The following TAB1 variants were observed in gnomAD, a reference collection of about 807,000 sequenced individuals.
The protein encoded by TAB1 is TGF-beta-activated kinase 1 and MAP3K7-binding protein 1.
In TAB1, 30 loss-of-function variants were observed where a neutral mutation model predicts 54.5. The observed-to-expected ratio is 0.55, with a 90% CI of 0.41 to 0.75. The LOEUF (loss-of-function observed/expected upper bound fraction) is 0.75. Ranked by LOEUF, TAB1 falls within the 30% of genes least tolerant of loss-of-function variation. The pLI is 0.00. For missense variants in TAB1, 609 were observed against 683.2 expected (o/e 0.89, Z 1.21); for synonymous variants, 289 against 286.9 (o/e 1.01, Z -0.07).
At chr22:39,433,247 C>T (rs753734288), downstream of TAB1, 4 of 928,648 alleles carry the variant, frequency 4.3e-6, no homozygotes, top group East Asian at 1.2e-4. Context: ...GTCAGGAGAT[C>T]GAGACCATCC....
rs1280624549 is a variant in TAB1 at position 39,430,446 on chromosome 22, G to C, written c.*224G>C. On this transcript the variant is annotated 3_prime_UTR_variant, in exon 11 of 11. Coordinates refer to ENST00000216160, the MANE Select transcript of TAB1 (RefSeq NM_006116.3). ...GGAAGCTGAAGGCCACTTCCTCCCA[G>C]ATGGCCTCAGCCAGGACCATCGCCC... is the stretch of plus-strand genomic sequence containing the variant. 1 of 1,419,696 alleles carries C rather than the reference G, an allele frequency of 7.0e-7. No homozygotes were observed. Among genetic ancestry groups the C allele is most frequent in the Non-Finnish European group, 9.2e-7 (1 of 1,087,478 alleles). The allele number at this position is 1,419,696 out of a possible 1,614,324, so 87.9% of individuals were successfully genotyped here.
At chr22:39,417,882 C>T (rs777900370) in intron 5 of TAB1, 33 bp downstream of exon 5, 7 of 1,576,744 alleles carry the variant, frequency 4.4e-6, no homozygotes, top group East Asian at 4.6e-5. Context: ...GCAGGGAGGA[C>T]TGGGGAGAGG....
At chr22:39,407,291 G>T (rs1926406025) in intron 1 of TAB1, among the ~76,000 whole-genome samples, 1 of 152,044 alleles carries the variant, frequency 6.6e-6, no homozygotes, top group African/African-American at 2.4e-5. Context: ...TTCTTTTTCT[G>T]TTTGCATTAG....
At chr22:39,400,990 G>T (rs1434789709) in intron 1 of TAB1, among the ~76,000 whole-genome samples, 1 of 148,244 alleles carries the variant, frequency 6.7e-6, no homozygotes, top group Non-Finnish European at 1.5e-5. Flanking sequence ...GCCAAGATCG[G>T]GCCACTGCAC....
chr22:39,430,195 C>G lies in TAB1; in HGVS notation c.1488C>G (p.Gly496=). ...EFYRLWSVDH[G]EQSVVTAP is the part of the protein sequence containing the mutation. ...ACCGCCTCTGGAGCGTGGACCATGG[C>G]GAGCAGAGCGTGGTGACAGCACCGT... is the stretch of plus-strand genomic sequence containing the variant. Residue 496 remains glycine, a synonymous_variant, in exon 11 of 11, where the codon GGC becomes GGG. Transcript: ENST00000216160. 6.2e-7 allele frequency: 1 copy of G among 1,613,286 alleles called. No homozygotes were observed. Among genetic ancestry groups the G allele is most frequent in the Middle Eastern group, 1.6e-4 (1 of 6,062 alleles).
At chr22:39,429,189 A>G in intron 10 of TAB1, 1 of 985,440 alleles carries the variant, frequency 1.0e-6, no homozygotes, top group Non-Finnish European at 1.2e-6. Context: ...GGCAGCGCTA[A>G]CAGGCAGTTC....
In TAB1 at chr22:39,430,614, C is replaced by T. The variant is rs1203086063; in HGVS notation, c.*392C>T. 1.8e-6 allele frequency: 2 copies of T among 1,101,550 alleles called. No homozygotes were observed. The highest frequency in any genetic ancestry group is 2.6e-5 in the South Asian group (1 of 38,392). The allele number at this position is 1,101,550 out of a possible 1,614,324, so 68.2% of individuals were successfully genotyped here. ...GCCCAGCAGACCCTGCTGTCCCAAGCCCACCCCTCCTCCCACCATCACCTC... is the reference window on the plus strand; with the variant it reads ...GCCCAGCAGACCCTGCTGTCCCAAGTCCACCCCTCCTCCCACCATCACCTC... On this transcript the variant is annotated 3_prime_UTR_variant, in exon 11 of 11. Transcript: ENST00000216160.
intron 8 of TAB1, among the ~76,000 whole-genome samples, chr22:39,425,276 C>T (rs936900208): frequency 2.0e-5 from 3 of 151,190 alleles, no homozygotes; most frequent in Non-Finnish European, 2.9e-5. Flanking sequence ...CCTAGCTACT[C>T]GGGAGGCTGA....
downstream of TAB1, chr22:39,436,547 C>A (rs564204217): frequency 6.2e-7 from 1 of 1,613,996 alleles, no homozygotes; most frequent in African/African-American, 1.3e-5. Flanking sequence ...AACTAAACCT[C>A]CTGGGCAGCC....
At chr22:39,429,926 G>C (rs1272421200) in intron 10 of TAB1, 89 bp from the exon 11 acceptor site, 2 of 1,574,386 alleles carry the variant, frequency 1.3e-6, no homozygotes, top group African/African-American at 2.7e-5. Flanking sequence ...CAAGAGGCTG[G>C]TAGAGGCAGG....
rs1488185482 is a variant in TAB1 at position 39,415,272 on chromosome 22, C to G, written c.170+130C>G. 3 of 1,244,444 alleles carry G rather than the reference C, an allele frequency of 2.4e-6. No individual in the cohort carries two copies. The Admixed American group carries it at 7.7e-5, about 32-fold the overall frequency. The allele number at this position is 1,244,444 out of a possible 1,614,324, so 77.1% of individuals were successfully genotyped here. The stretch of plus-strand genomic sequence containing the variant: ...TGTGGCCCGTGAGAGGTGGCCTCTG[C>G]TGCTGTCTTGCCAAGGGCCTGCTCT... On this transcript the variant is annotated intron_variant, in intron 2 of 10. Coordinates refer to ENST00000216160, the MANE Select transcript of TAB1 (RefSeq NM_006116.3). The surrounding 1 kb of genome is among the most constrained non-coding windows in gnomAD (Gnocchi z 4.9).
chr22:39,421,308 G>A (rs545088938), intron 7 of TAB1, among the ~76,000 whole-genome samples: 181 of 152,212 alleles, frequency 1.2e-3, no homozygotes, highest in African/African-American at 4.1e-3. Context: ...CTTAGACTCC[G>A]CTCTTCTGGA....
chr22:39,408,462 C>A (rs991686529), intron 1 of TAB1, among the ~76,000 whole-genome samples: 3 of 152,182 alleles, frequency 2.0e-5, no homozygotes, highest in African/African-American at 4.8e-5. Context: ...TTGTTTCTTT[C>A]TTTACTTGTG....
chr22:39,432,591 G>A, downstream of TAB1: 5 of 260,500 alleles, frequency 1.9e-5, no homozygotes, highest in Non-Finnish European at 3.0e-5. Context: ...GGGTCCTGAG[G>A]ACCACCATGG....
intron 1 of TAB1, among the ~76,000 whole-genome samples, chr22:39,411,999 A>C (rs1926626734): frequency 6.6e-6 from 1 of 152,198 alleles, no homozygotes; most frequent in Non-Finnish European, 1.5e-5. Flanking sequence ...TGTTTACTGC[A>C]TCATTTCATT....
rs768487425 is a variant in TAB1 at position 39,430,133 on chromosome 22, G to A, written c.1426G>A (p.Gly476Ser). The A allele has an allele frequency of 1.1e-5, 17 of 1,613,902 alleles. No homozygotes were observed. The highest frequency in any genetic ancestry group is 2.2e-5 in the East Asian group (1 of 44,896). The change falls in exon 11 of 11, where the codon GGT becomes AGT. Residue 476 changes from glycine to serine, a missense_variant. By Grantham distance (56) the Gly-to-Ser change is moderately conservative (BLOSUM62 0). Coordinates refer to ENST00000216160, the MANE Select transcript of TAB1 (RefSeq NM_006116.3). ...PAHSLPPGED[G>S]RVEPYVDFAE... ...CCACTCGCTCCCGCCTGGCGAGGAC[G>A]GTCGTGTTGAGCCCTATGTGGACTT...
At chr22:39,404,968 G>T (rs1350899159) in intron 1 of TAB1, among the ~76,000 whole-genome samples, 1 of 152,196 alleles carries the variant, frequency 6.6e-6, no homozygotes, top group African/African-American at 2.4e-5. Flanking sequence ...GGAGAGAAAG[G>T]TCTGCTGCTC....
chr22:39,402,606 G>A lies in TAB1; in HGVS notation c.33+2771G>A, dbSNP rs1926195891. Among the ~76,000 whole-genome samples, 5 of 152,344 alleles carry A rather than the reference G, an allele frequency of 3.3e-5. No individual in the cohort carries two copies. The South Asian group carries it at 1.0e-3, about 32-fold the overall frequency. Reference sequence around the variant, plus strand: ...ATCTCACTGTCACCCAGACTGGAGTGAAGCGGTGTGATCTCGGCTCACTGC... The same window carrying A: ...ATCTCACTGTCACCCAGACTGGAGTAAAGCGGTGTGATCTCGGCTCACTGC... On this transcript the variant is annotated intron_variant, in intron 1 of 10. Coordinates refer to ENST00000216160, the MANE Select transcript of TAB1 (RefSeq NM_006116.3).
intron 7 of TAB1, among the ~76,000 whole-genome samples, chr22:39,420,191 G>A (rs570317162): frequency 6.6e-6 from 1 of 152,164 alleles, no homozygotes; most frequent in Non-Finnish European, 1.5e-5. Flanking sequence ...GGCCAAGCCC[G>A]TGCAGAGCTC....
Sources: gnomAD v4.1 joint callset for allele counts (sites outside exome capture counted in the v4.1 genomes callset) on GRCh38, gnomAD v4.1.1 for gene constraint, Gnocchi (gnomAD v3.1) non-coding constraint, MANE v1.5 for transcripts, NCBI Gene and HGNC (gene_info 2026-07-23, HGNC 2026-07-21) for gene names.